The following JRKL variants were observed in gnomAD, a reference collection of about 807,000 sequenced individuals.
JRKL encodes JRK like.
In JRKL, 25 loss-of-function variants were observed where a neutral mutation model predicts 34.7. The ratio of observed to expected loss-of-function variants is 0.72; its 90% CI spans 0.53 to 1.01. The LOEUF is 1.01. Among genes scored for constraint, JRKL ranks in the 50% least tolerant of loss-of-function variants. JRKL has a pLI of 0.00. For missense variants in JRKL, 495 were observed against 615.7 expected (o/e 0.80, Z 2.07); for synonymous variants, 204 against 212.8 (o/e 0.96, Z 0.36).
At position 96,390,614 on chromosome 11, in the gene JRKL, A is replaced by G. The variant is rs1393767397; in HGVS notation, c.-36A>G. ...AGAAGGAAGGATTTTGTGGATTGCT[A>G]CATTGTGAGTGTGGGGTGAGTCCCA... On this transcript the variant is annotated 5_prime_UTR_variant, in exon 2 of 2. Coordinates refer to ENST00000332349, the MANE Select transcript of JRKL (RefSeq NM_001261833.2). The G allele has an allele frequency of 5.2e-6, 8 of 1,543,158 alleles. 1 individual carries two copies. The highest frequency in any genetic ancestry group is 5.2e-6 in the Non-Finnish European group (6 of 1,153,116).
rs1866540804 is a variant in JRKL at position 96,391,613 on chromosome 11, T to C, written c.964T>C (p.Leu322=). Residue 322 remains leucine, a synonymous_variant, in exon 2 of 2, where the codon TTG becomes CTG. Transcript: ENST00000332349. ...ATATTTACCACCTAATGTGGCCTCA[T>C]TGATTCAGCCTTCAGATCAGGGAGT... ...AKYLPPNVAS[L]IQPSDQGVIA... The C allele has an allele frequency of 1.2e-6, 2 of 1,613,144 alleles. No homozygotes were observed. Among genetic ancestry groups the C allele is most frequent in the Non-Finnish European group, 1.7e-6 (2 of 1,179,428 alleles).
Position 96,392,384 on chromosome 11 carries a change from G to A in JRKL, c.*160G>A. ...TGAGGATTATGTGTTTTCATCATCT[G>A]TGTCTTTTGTCCTTTTATTTGTACA... On this transcript the variant is annotated 3_prime_UTR_variant, in exon 2 of 2. Transcript: ENST00000332349. 9.5e-7 allele frequency: 1 copy of A among 1,052,218 alleles called. No individual in the cohort carries two copies. The highest frequency in any genetic ancestry group is 3.4e-5 in the Admixed American group (1 of 29,028). The allele number at this position is 1,052,218 out of a possible 1,614,324, so 65.2% of individuals were successfully genotyped here.
rs752722505 is a variant in JRKL at position 96,390,936 on chromosome 11, C to T, written c.287C>T (p.Pro96Leu). 3.1e-6 allele frequency: 5 copies of T among 1,614,156 alleles called. No individual in the cohort carries two copies. Among genetic ancestry groups the T allele is most frequent in the Non-Finnish European group, 4.2e-6 (5 of 1,180,036 alleles). The change falls in exon 2 of 2, where the codon CCC becomes CTC. Residue 96 changes from proline to leucine, a missense_variant. Pro to Leu is a moderately conservative substitution (Grantham distance 98). Coordinates refer to ENST00000332349, the MANE Select transcript of JRKL (RefSeq NM_001261833.2). ...AACCAGCAAAGAGCAAAAGGGAATC[C>T]CATATCTGGACCAATTTGTGCAAAA... ...WFNQQRAKGNPISGPICAKRA... is the reference protein window; with the variant it reads ...WFNQQRAKGNLISGPICAKRA...
chr11:96,390,322 G>A (rs1265960478), intron 1 of JRKL, among the ~76,000 whole-genome samples, 161 bp from the exon 2 acceptor site: 2 of 152,126 alleles, frequency 1.3e-5, no homozygotes, highest in African/African-American at 4.8e-5. Context: ...GAGGTTCGTG[G>A]CCACAATGGG....
chr11:96,391,945 T>C lies in JRKL; in HGVS notation c.1296T>C (p.Leu432=), dbSNP rs979365454. Residue 432 remains leucine, a synonymous_variant, in exon 2 of 2, where the codon CTT becomes CTC. Transcript: ENST00000332349. ...NVTTENLEKW[L]EVDSTEPGYE... ...CTACTGAGAACCTTGAAAAATGGCT[T>C]GAAGTAGACAGTACTGAACCAGGCT... 6.2e-7 allele frequency: 1 copy of C among 1,614,124 alleles called. No homozygotes were observed. Among genetic ancestry groups the C allele is most frequent in the African/African-American group, 1.3e-5 (1 of 75,052 alleles).
chr11:96,391,714 A>G lies in JRKL; in HGVS notation c.1065A>G (p.Ser355=). Residue 355 remains serine (S), a synonymous_variant, in exon 2 of 2, where the codon TCA becomes TCG. Transcript: ENST00000332349. The part of the protein sequence containing the change: ...NNLEEGNDLK[S]FWKKLTLLDA... The stretch of plus-strand genomic sequence containing the variant: ...TGGAAGAAGGTAATGACCTGAAATC[A>G]TTCTGGAAGAAGCTAACTCTGTTGG... 1 of 1,614,212 alleles carries G rather than the reference A, an allele frequency of 6.2e-7. No individual in the cohort carries two copies. Among genetic ancestry groups the G allele is most frequent in the South Asian group, 1.1e-5 (1 of 91,088 alleles).
chr11:96,390,557 GTGT>G lies in JRKL; in HGVS notation c.-91_-89del. ...TGCTGGTAAGGATGAAAGACTGAGT[GTGT>G]TAAGACTGTTGAAGTGAGCCTGTGT... On this transcript the variant is annotated 5_prime_UTR_variant, in exon 2 of 2. Transcript: ENST00000332349. The G allele has an allele frequency of 6.8e-7, 1 of 1,466,610 alleles. No homozygotes were observed. Among genetic ancestry groups the G allele is most frequent in the Non-Finnish European group, 9.1e-7 (1 of 1,103,344 alleles). 90.8% of individuals were successfully genotyped at this position (1,466,610 alleles called of 1,614,324 possible).
In JRKL at chr11:96,391,181, G is replaced by A. The variant is rs1275160048; in HGVS notation, c.532G>A (p.Glu178Lys). 3 of 1,565,744 alleles carry A rather than the reference G, an allele frequency of 1.9e-6. No individual in the cohort carries two copies. Among genetic ancestry groups the A allele is most frequent in the South Asian group, 1.2e-5 (1 of 86,546 alleles). Residue 178 changes from glutamate (E) to lysine (K), a missense_variant, in exon 2 of 2, where the codon GAA (glutamate) becomes AAA (lysine). Physicochemically the swap from Glu to Lys is moderately conservative, Grantham distance 56. Coordinates refer to ENST00000332349, the MANE Select transcript of JRKL (RefSeq NM_001261833.2). ...GCCTGAACAAATCTACAATGCAGATGAAACTGGACTCTTTTGGAAGTGCTT... is the reference window on the plus strand; with the variant it reads ...GCCTGAACAAATCTACAATGCAGATAAAACTGGACTCTTTTGGAAGTGCTT... ...LQPEQIYNAD[E>K]TGLFWKCLPS...
chr11:96,390,945 G>A lies in JRKL; in HGVS notation c.296G>A (p.Gly99Glu), dbSNP rs757660425. The A allele has an allele frequency of 3.5e-5, 56 of 1,614,064 alleles. No homozygotes were observed. In the East Asian group the frequency reaches 1.2e-3, roughly 35 times the overall value. Residue 99 changes from glycine to glutamate, a missense_variant, in exon 2 of 2, where the codon GGA becomes GAA. Gly to Glu is a moderately conservative substitution (Grantham distance 98). Coordinates refer to ENST00000332349, the MANE Select transcript of JRKL (RefSeq NM_001261833.2). The stretch of plus-strand genomic sequence containing the variant: ...AGAGCAAAAGGGAATCCCATATCTG[G>A]ACCAATTTGTGCAAAAAGGGCAGAG... ...QQRAKGNPISGPICAKRAEFF... is the reference protein window; with the variant it reads ...QQRAKGNPISEPICAKRAEFF...
In JRKL at chr11:96,391,325, T is replaced by A. The variant is rs1866529397; in HGVS notation, c.676T>A (p.Cys226Ser). ...AACAGGTTTACACAAACTTAAACTT[T>A]GTGTTGTGGGGAAAGCAAAGAAACC... Reference protein sequence around the residue: ...NATGLHKLKLCVVGKAKKPRS... With the variant: ...NATGLHKLKLSVVGKAKKPRS... Residue 226 changes from cysteine (C) to serine (S), a missense_variant, in exon 2 of 2, where the codon TGT becomes AGT. By Grantham distance (112) the Cys-to-Ser change is moderately radical. Transcript: ENST00000332349. The A allele has an allele frequency of 6.4e-7, 1 of 1,551,590 alleles. No individual in the cohort carries two copies. Among genetic ancestry groups the A allele is most frequent in the East Asian group, 2.4e-5 (1 of 40,926 alleles).
At position 96,393,296 on chromosome 11, in the gene JRKL, A is replaced by G. The variant is rs1735719824; in HGVS notation, c.*1072A>G. 6.0e-6 allele frequency: 1 copy of G among 166,960 alleles called. No homozygotes were observed. The highest frequency in any genetic ancestry group is 1.5e-5 in the Non-Finnish European group (1 of 68,026). The allele number at this position is 166,960 out of a possible 1,614,324, so 10.3% of individuals were successfully genotyped here. ...ATCCTGTTTTATGAAGAAAGCAGAA[A>G]TAATTACTGAAAGTGCCAGACACTA... On this transcript the variant is annotated 3_prime_UTR_variant, in exon 2 of 2. Transcript: ENST00000332349.
At position 96,391,033 on chromosome 11, in the gene JRKL, T is replaced by A. The variant is rs772771277; in HGVS notation, c.384T>A (p.Arg128=). 1 of 1,614,214 alleles carries A rather than the reference T, an allele frequency of 6.2e-7. No homozygotes were observed. The highest frequency in any genetic ancestry group is 8.5e-7 in the Non-Finnish European group (1 of 1,180,028). ...DFNPSAGWLT[R]FKQRHSIREI... ...ACCCCTCTGCCGGTTGGCTAACTCG[T>A]TTTAAGCAGCGGCACAGCATTAGAG... Residue 128 remains arginine, a synonymous_variant, in exon 2 of 2, where the codon CGT becomes CGA. Coordinates refer to ENST00000332349, the MANE Select transcript of JRKL (RefSeq NM_001261833.2).
intron 1 of JRKL, among the ~76,000 whole-genome samples, 162 bp downstream of exon 1, chr11:96,390,235 C>T (rs1310281900): frequency 6.6e-6 from 1 of 152,142 alleles, no homozygotes; most frequent in African/African-American, 2.4e-5. Flanking sequence ...GACTCCTAGG[C>T]TCTTCGGCTC....
Position 96,391,011 on chromosome 11 carries a change from C to T in JRKL, c.362C>T (p.Pro121Leu). The T allele has an allele frequency of 6.2e-7, 1 of 1,614,114 alleles. No homozygotes were observed. The highest frequency in any genetic ancestry group is 8.5e-7 in the Non-Finnish European group (1 of 1,180,020). The change falls in exon 2 of 2, where the codon CCC becomes CTC. Residue 121 changes from proline to leucine, a missense_variant. By Grantham distance (98) the Pro-to-Leu change is moderately conservative. Coordinates refer to ENST00000332349, the MANE Select transcript of JRKL (RefSeq NM_001261833.2). ...YALGMDGDFN[P>L]SAGWLTRFKQ... ...TTGGGAATGGATGGTGATTTTAACC[C>T]CTCTGCCGGTTGGCTAACTCGTTTT... is the stretch of plus-strand genomic sequence containing the variant.
At position 96,391,979 on chromosome 11, in the gene JRKL, T is replaced by A; in HGVS notation, c.1330T>A (p.Leu444Ile). 1 of 1,614,054 alleles carries A rather than the reference T, an allele frequency of 6.2e-7. No individual in the cohort carries two copies. The highest frequency in any genetic ancestry group is 8.5e-7 in the Non-Finnish European group (1 of 1,180,014). ...VDSTEPGYEVLTDSEIIRRAQ... is the reference protein window; with the variant it reads ...VDSTEPGYEVITDSEIIRRAQ... ...CAGTACTGAACCAGGCTATGAAGTG[T>A]TAACTGATAGCGAAATCATCAGAAG... The change falls in exon 2 of 2, where the codon TTA becomes ATA. Residue 444 changes from leucine to isoleucine, a missense_variant. By Grantham distance (5) the Leu-to-Ile change is conservative (BLOSUM62 2). Transcript: ENST00000332349.
Position 96,392,337 on chromosome 11 carries a change from A to G in JRKL, c.*113A>G. The G allele has an allele frequency of 7.1e-7, 1 of 1,413,690 alleles. No individual in the cohort carries two copies. The highest frequency in any genetic ancestry group is 1.4e-5 in the African/African-American group (1 of 69,218). The allele number at this position is 1,413,690 out of a possible 1,614,324, so 87.6% of individuals were successfully genotyped here. On this transcript the variant is annotated 3_prime_UTR_variant, in exon 2 of 2. Transcript: ENST00000332349. ...AGACTTGGTCCTGTGAAATACAGGC[A>G]CAAAATGTATCTGAAGTGGTTTGAG...
In JRKL at chr11:96,392,427, A is replaced by G. The variant is rs1476648595; in HGVS notation, c.*203A>G. On this transcript the variant is annotated 3_prime_UTR_variant, in exon 2 of 2. Coordinates refer to ENST00000332349, the MANE Select transcript of JRKL (RefSeq NM_001261833.2). Reference sequence around the variant, plus strand: ...TTTGTACAGATAATCAGAAGATGATACTGAATAGATATAAATTACATGTAC... The same window carrying G: ...TTTGTACAGATAATCAGAAGATGATGCTGAATAGATATAAATTACATGTAC... The G allele has an allele frequency of 3.0e-6, 2 of 673,416 alleles. No individual in the cohort carries two copies. The highest frequency in any genetic ancestry group is 7.5e-5 in the Admixed American group (2 of 26,698). 41.7% of individuals were successfully genotyped at this position (673,416 alleles called of 1,614,324 possible). A position where few individuals can be genotyped will look rare whatever the true frequency, so the allele number is the denominator to read the frequency against.
At position 96,390,925 on chromosome 11, in the gene JRKL, A is replaced by T; in HGVS notation, c.276A>T (p.Ala92=). ...TGGAATGGTTCAACCAGCAAAGAGC[A>T]AAAGGGAATCCCATATCTGGACCAA... ...AMLEWFNQQR[A]KGNPISGPIC... The change falls in exon 2 of 2, where the codon GCA becomes GCT. Residue 92 remains alanine (A), a synonymous_variant. Transcript: ENST00000332349. 6.2e-7 allele frequency: 1 copy of T among 1,614,256 alleles called. No homozygotes were observed. The highest frequency in any genetic ancestry group is 8.5e-7 in the Non-Finnish European group (1 of 1,180,046).
In JRKL at chr11:96,392,008, A is replaced by C; in HGVS notation, c.1359A>C (p.Ala453=). 2 of 1,614,054 alleles carry C rather than the reference A, an allele frequency of 1.2e-6. No individual in the cohort carries two copies. Among genetic ancestry groups the C allele is most frequent in the East Asian group, 4.5e-5 (2 of 44,888 alleles). ...VLTDSEIIRR[A]QGQADESSEN... ...CTGATAGCGAAATCATCAGAAGAGC[A>C]CAAGGCCAGGCAGATGAATCCAGTG... is the stretch of plus-strand genomic sequence containing the variant. Residue 453 remains alanine, a synonymous_variant, in exon 2 of 2, where the codon GCA becomes GCC. Transcript: ENST00000332349.
Sources: allele counts gnomAD v4.1 joint callset (sites outside exome capture counted in the v4.1 genomes callset), GRCh38; gene constraint gnomAD v4.1.1; transcripts MANE v1.5; gene names NCBI Gene and HGNC (gene_info 2026-07-23, HGNC 2026-07-21).